Variants in CLPSL2 observed in about 807,000 individuals in gnomAD.
The protein encoded by CLPSL2 is colipase-like protein 2.
CLPSL2 carries 4 observed loss-of-function variants against 7.9 expected under a neutral mutation model. The observed-to-expected ratio is 0.50, with a 90% confidence interval of 0.25 to 1.15. The LOEUF (loss-of-function observed/expected upper bound fraction) is 1.15. CLPSL2 is among the 50% of genes most tolerant of loss of function. The pLI is 0.15. For synonymous variants in CLPSL2, 67 were observed against 53.1 expected (o/e 1.26, Z -1.14); for missense variants, 132 against 136.6 (o/e 0.97, Z 0.17).
Position 35,776,667 on chromosome 6 carries a change from C to T in CLPSL2, c.49C>T (p.Leu17=). Residue 17 remains leucine (L), a synonymous_variant, in exon 1 of 3, where the codon CTG becomes TTG. Transcript: ENST00000403376. The stretch of plus-strand genomic sequence containing the variant: ...GGCGGGGGTCCTGTCGGGGGCGGTG[C>T]TGCCCCTCTGGAGCGCGCTTCCGCA... The part of the protein sequence containing the change: ...LVAGVLSGAV[L]PLWSALPQYK... 1 of 1,485,768 alleles carries T rather than the reference C, an allele frequency of 6.7e-7. No homozygotes were observed. The highest frequency in any genetic ancestry group is 8.9e-7 in the Non-Finnish European group (1 of 1,125,798). 92.0% of individuals were successfully genotyped at this position (1,485,768 alleles called of 1,614,324 possible).
rs1554143813 is a variant in CLPSL2 at position 35,777,308 on chromosome 6, C to CT, written c.85-150dup. ...GTCCTGCTGAGGGGCCGGGGTGGGG[C>CT]TGGGGGGGGAACCAGCCCCCCAAGG... On this transcript the variant is annotated intron_variant, in intron 1 of 2. Coordinates refer to ENST00000403376, the MANE Select transcript of CLPSL2 (RefSeq NM_207409.4). 129 of 725,880 alleles carry CT rather than the reference C, an allele frequency of 1.8e-4. 1 individual carries two copies. The South Asian group carries it at 2.3e-3, about 13-fold the overall frequency. 45.0% of individuals were successfully genotyped at this position (725,880 alleles called of 1,614,324 possible).
At chr6:35,777,314 G>C (rs1767857410) in intron 1 of CLPSL2, 145 bp from the exon 2 acceptor site, 3 of 835,804 alleles carry the variant, frequency 3.6e-6, no homozygotes, top group East Asian at 5.2e-5. Context: ...GGGGCTGGGG[G>C]GGGAACCAGC....
intron 1 of CLPSL2, 37 bp downstream of exon 1, chr6:35,776,739 A>G: frequency 1.5e-6 from 2 of 1,353,328 alleles, no homozygotes; most frequent in East Asian, 3.1e-5. Context: ...CCGCGACCGC[A>G]GGAGAGGGTG....
chr6:35,778,678 C>T (rs1767894106), intron 2 of CLPSL2, among the ~76,000 whole-genome samples: 1 of 152,210 alleles, frequency 6.6e-6, no homozygotes, highest in Admixed American at 6.5e-5. Context: ...CCAAACCTTT[C>T]TAGGATGGAT....
At chr6:35,777,324 C>CA in intron 1 of CLPSL2, 135 bp from the exon 2 acceptor site, 1 of 961,524 alleles carries the variant, frequency 1.0e-6, no homozygotes, top group Non-Finnish European at 1.5e-6. Context: ...GGGGAACCAG[C>CA]CCCCCAAGGG....
intron 2 of CLPSL2, among the ~76,000 whole-genome samples, chr6:35,778,196 T>G (rs1426294500): frequency 6.6e-6 from 1 of 152,200 alleles, no homozygotes; most frequent in Non-Finnish European, 1.5e-5. Flanking sequence ...CCTCAGGTGA[T>G]CCACCTGGCT....
chr6:35,778,789 G>T (rs1052558688), intron 2 of CLPSL2, among the ~76,000 whole-genome samples: 57 of 152,166 alleles, frequency 3.7e-4, no homozygotes, highest in African/African-American at 1.2e-3. Flanking sequence ...TGGCTAGAGG[G>T]TTTTTATTTT....
Position 35,776,617 on chromosome 6 carries a change from C to T in CLPSL2, c.-2C>T. 2.0e-6 allele frequency: 3 copies of T among 1,501,042 alleles called. No homozygotes were observed. Among genetic ancestry groups the T allele is most frequent in the Non-Finnish European group, 2.6e-6 (3 of 1,132,312 alleles). The allele number at this position is 1,501,042 out of a possible 1,614,324, so 93.0% of individuals were successfully genotyped here. A position where few individuals can be genotyped will look rare whatever the true frequency, so the allele number is the denominator to read the frequency against. On this transcript the variant is annotated 5_prime_UTR_variant, in exon 1 of 3. Transcript: ENST00000403376. ...CCCGCCGCTGCTCTGCCGCCCAGGC[C>T]CATGGCCGCAGCCCTGGCGCTCGTG...
chr6:35,779,218 G>T, intron 2 of CLPSL2, 137 bp from the exon 3 acceptor site: 1 of 596,378 alleles, frequency 1.7e-6, no homozygotes, highest in Non-Finnish European at 2.9e-6. Flanking sequence ...TGAAGGTCAC[G>T]CAGTTATAAG....
chr6:35,779,238 C>T (rs1312807498), intron 2 of CLPSL2, 117 bp from the exon 3 acceptor site: 7 of 738,582 alleles, frequency 9.5e-6, no homozygotes, highest in African/African-American at 7.0e-5. Context: ...GCTGTAGAGA[C>T]AGCCCAGGTC....
intron 2 of CLPSL2, among the ~76,000 whole-genome samples, 156 bp from the exon 3 acceptor site, chr6:35,779,199 T>C (rs1327792318): frequency 6.6e-6 from 1 of 152,142 alleles, no homozygotes; most frequent in East Asian, 1.9e-4. Context: ...GAGAGGTTCA[T>C]TGACTTGCTG....
intron 2 of CLPSL2, among the ~76,000 whole-genome samples, chr6:35,778,527 T>C (rs1216731153): frequency 6.6e-6 from 1 of 152,240 alleles, no homozygotes; most frequent in African/African-American, 2.4e-5. Context: ...GAGGCTAAAG[T>C]ACCTACCCCA....
chr6:35,777,398 A>C (rs117206330), intron 1 of CLPSL2, 61 bp from the exon 2 acceptor site: 16 of 1,580,094 alleles, frequency 1.0e-5, no homozygotes, highest in Non-Finnish European at 1.4e-5. Flanking sequence ...ACCCTCCCCT[A>C]CCCGCCCACA....
chr6:35,777,450 T>C lies in CLPSL2; in HGVS notation c.85-9T>C, dbSNP rs1386244834. 1.9e-6 allele frequency: 3 copies of C among 1,613,052 alleles called. No individual in the cohort carries two copies. The highest frequency in any genetic ancestry group is 3.3e-5 in the Admixed American group (2 of 59,950). On this transcript the variant is annotated splice_polypyrimidine_tract_variant and intron_variant, in intron 1 of 2. Coordinates refer to ENST00000403376, the MANE Select transcript of CLPSL2 (RefSeq NM_207409.4). Reference sequence around the variant, plus strand: ...CCCAGCCTGGCAGACATTCTGCCTGTCCCCACAGAAAATCACAGACAGGTG... The same window carrying C: ...CCCAGCCTGGCAGACATTCTGCCTGCCCCCACAGAAAATCACAGACAGGTG...
chr6:35,776,877 C>G, intron 1 of CLPSL2, 175 bp downstream of exon 1: 1 of 514,810 alleles, frequency 1.9e-6, no homozygotes, highest in East Asian at 3.6e-5. Context: ...GCTTCACTTT[C>G]CCCTGGTGGC....
At chr6:35,778,503 C>G (rs1475033481) in intron 2 of CLPSL2, among the ~76,000 whole-genome samples, 1 of 152,214 alleles carries the variant, frequency 6.6e-6, no homozygotes, top group Non-Finnish European at 1.5e-5. Flanking sequence ...CCTTAGTTTC[C>G]TCATCTACAA....
At chr6:35,778,459 T>C (rs1767889690) in intron 2 of CLPSL2, among the ~76,000 whole-genome samples, 1 of 152,224 alleles carries the variant, frequency 6.6e-6, no homozygotes, top group Non-Finnish European at 1.5e-5. Context: ...ACCCTATCTT[T>C]GTGACTTCAA....
At position 35,777,568 on chromosome 6, in the gene CLPSL2, T is replaced by G. The variant is rs762790749; in HGVS notation, c.194T>G (p.Ile65Ser). Residue 65 changes from isoleucine to serine, a missense_variant, in exon 2 of 3, where the codon ATC becomes AGC. Physicochemically the swap from Ile to Ser is moderately radical, Grantham distance 142. Coordinates refer to ENST00000403376, the MANE Select transcript of CLPSL2 (RefSeq NM_207409.4). The stretch of plus-strand genomic sequence containing the variant: ...GCCCCCAGGGCCAGAATAACCATGA[T>G]CTGCTTGCCCCAGGTGAGGCCCTAG... ...FCAPRARITM[I>S]CLPQTKGATN... The G allele has an allele frequency of 6.2e-6, 10 of 1,613,450 alleles. No homozygotes were observed. Among genetic ancestry groups the G allele is most frequent in the Non-Finnish European group, 7.6e-6 (9 of 1,179,742 alleles).
chr6:35,777,877 T>C (rs1008757857), intron 2 of CLPSL2: 2 of 717,656 alleles, frequency 2.8e-6, no homozygotes, highest in African/African-American at 1.7e-5. Context: ...AGGGCAGGGA[T>C]CGCATCATAT....
Sources: gnomAD v4.1 joint callset for allele counts (sites outside exome capture counted in the v4.1 genomes callset) on GRCh38, gnomAD v4.1.1 for gene constraint, MANE v1.5 for transcripts, NCBI Gene and HGNC (gene_info 2026-07-23, HGNC 2026-07-21) for gene names.